The following KNL1 variants were observed in gnomAD, a reference collection of about 807,000 sequenced individuals.
The protein encoded by KNL1 is outer kinetochore KNL1 complex subunit KNL1.
A neutral mutation model predicts 201.3 loss-of-function variants in KNL1; 66 were observed. The ratio of observed to expected loss-of-function variants is 0.33; its 90% CI spans 0.27 to 0.40. The LOEUF is 0.40. Ranked by LOEUF, KNL1 falls within the 10% of genes least tolerant of loss-of-function variation. The probability of loss-of-function intolerance (pLI) is 1.00; values close to 1 mark genes in which losing one functional copy is unlikely to be tolerated. For missense variants in KNL1, 2,815 were observed against 2,690.5 expected (o/e 1.05, Z -1.02); for synonymous variants, 895 against 899.2 (o/e 1.00, Z 0.08).
chr15:40,650,382 A>C lies in KNL1; in HGVS notation c.6172+4A>C. ...GAAATGAGAGCTGCAGAAAAAGGTAATTGAATTAGTTAAGGAGATAAATGG... is the reference window on the plus strand; with the variant it reads ...GAAATGAGAGCTGCAGAAAAAGGTACTTGAATTAGTTAAGGAGATAAATGG... On this transcript the variant is annotated splice_donor_region_variant and intron_variant, in intron 18 of 25. Coordinates refer to ENST00000399668, the MANE Select transcript of KNL1 (RefSeq NM_144508.5). The C allele has an allele frequency of 6.2e-7, 1 of 1,609,404 alleles. No individual in the cohort carries two copies. Among genetic ancestry groups the C allele is most frequent in the Non-Finnish European group, 8.5e-7 (1 of 1,175,862 alleles).
At chr15:40,627,269 C>T (rs1892781749) in intron 10 of KNL1, among the ~76,000 whole-genome samples, 1 of 152,192 alleles carries the variant, frequency 6.6e-6, no homozygotes, top group Non-Finnish European at 1.5e-5. Flanking sequence ...AATCCCAGCA[C>T]TTTGGGAGGC....
chr15:40,598,583 C>A (rs1335898585), intron 1 of KNL1, among the ~76,000 whole-genome samples: 1 of 151,408 alleles, frequency 6.6e-6, no homozygotes, highest in South Asian at 2.1e-4. Context: ...CCCCCTCCGG[C>A]CCCCCAAAAA....
intron 14 of KNL1, among the ~76,000 whole-genome samples, chr15:40,643,867 T>C (rs1011368259): frequency 6.6e-6 from 1 of 152,208 alleles, no homozygotes; most frequent in Non-Finnish European, 1.5e-5. Context: ...CCTCTTATTA[T>C]GTAGAAAAAA....
At chr15:40,637,564 C>T (rs1893094145) in intron 13 of KNL1, among the ~76,000 whole-genome samples, 1 of 152,106 alleles carries the variant, frequency 6.6e-6, no homozygotes, top group Admixed American at 6.5e-5. Flanking sequence ...TGACGTGACA[C>T]CACAAATGGA....
In KNL1 at chr15:40,623,354, A is replaced by C; in HGVS notation, c.3090A>C (p.Val1030=). The change falls in exon 10 of 26, where the codon GTA becomes GTC. Residue 1030 remains valine, a synonymous_variant. Coordinates refer to ENST00000399668, the MANE Select transcript of KNL1 (RefSeq NM_144508.5). Reference sequence around the variant, plus strand: ...CTAATAATAGGGGCCCTGTAGAGGTAGCTGATAACATGGAATTGTCTAAAT... The same window carrying C: ...CTAATAATAGGGGCCCTGTAGAGGTCGCTGATAACATGGAATTGTCTAAAT... ...EWSNNRGPVE[V]ADNMELSKSA... The C allele has an allele frequency of 6.2e-7, 1 of 1,614,010 alleles. No individual in the cohort carries two copies. The highest frequency in any genetic ancestry group is 8.5e-7 in the Non-Finnish European group (1 of 1,179,898).
At chr15:40,657,500 C>A in intron 24 of KNL1, 27 bp downstream of exon 24, 2 of 1,177,250 alleles carry the variant, frequency 1.7e-6, no homozygotes, top group Non-Finnish European at 2.6e-6. Context: ...CCAAGGACTG[C>A]CATGACAGAG....
intron 8 of KNL1, among the ~76,000 whole-genome samples, chr15:40,617,450 TTAGTTTAGTTTAC>T (rs1451196043): frequency 1.3e-5 from 2 of 152,150 alleles, no homozygotes; most frequent in African/African-American, 4.8e-5. Context: ...AAGCCACAGT[TTAGTTTAGTTTAC>T]ACTTTTTTCC....
At chr15:40,634,326 C>T (rs917720071) in intron 13 of KNL1, among the ~76,000 whole-genome samples, 14 of 152,144 alleles carry the variant, frequency 9.2e-5, no homozygotes, top group Admixed American at 9.2e-4. Context: ...AGGCTGGTCT[C>T]GAACTCTTGA....
intron 14 of KNL1, among the ~76,000 whole-genome samples, chr15:40,643,464 G>A (rs1018989601): frequency 2.0e-5 from 3 of 152,050 alleles, no homozygotes; most frequent in African/African-American, 4.8e-5. Context: ...GCGCCTGGCC[G>A]GGAACTTTTA....
chr15:40,642,364 A>G (rs1353077370), intron 14 of KNL1, among the ~76,000 whole-genome samples: 1 of 151,560 alleles, frequency 6.6e-6, no homozygotes, highest in Non-Finnish European at 1.5e-5. Flanking sequence ...GCACCACTGC[A>G]CTCCAGCAGC....
At chr15:40,655,023 C>A in intron 22 of KNL1, 46 bp downstream of exon 22, 1 of 1,430,522 alleles carries the variant, frequency 7.0e-7, no homozygotes, top group South Asian at 1.1e-5. Flanking sequence ...TGGGGCTGGG[C>A]ACTATGGCTC....
intron 1 of KNL1, among the ~76,000 whole-genome samples, chr15:40,595,183 T>C (rs1327759795): frequency 6.6e-6 from 1 of 152,240 alleles, no homozygotes; most frequent in East Asian, 1.9e-4. Context: ...ATCCTGTAGA[T>C]ATTTATTGGG....
At chr15:40,610,220 C>T (rs766473801) in intron 5 of KNL1, 25 bp from the exon 6 acceptor site, 1 of 1,312,134 alleles carries the variant, frequency 7.6e-7, no homozygotes, top group South Asian at 1.2e-5. Flanking sequence ...TGCAGGTTTT[C>T]AATAATCTTT....
Position 40,604,916 on chromosome 15 carries a change from C to T in KNL1, c.36-194C>T, listed in dbSNP as rs180710852. Among the ~76,000 whole-genome samples the T allele has an allele frequency of 6.6e-4, 101 of 152,248 alleles. No individual in the cohort carries two copies. In the Middle Eastern group the frequency reaches 0.01, roughly 15 times the overall value. On this transcript the variant is annotated intron_variant, in intron 2 of 25. Transcript: ENST00000399668. ...CTGATAATTATTCAAGAGATAGTCTCGTAGTACACAATATGTATTTTAAAA... is the reference window on the plus strand; with the variant it reads ...CTGATAATTATTCAAGAGATAGTCTTGTAGTACACAATATGTATTTTAAAA...
intron 13 of KNL1, among the ~76,000 whole-genome samples, chr15:40,632,884 ACTCTGT>A (rs1415204413): frequency 6.6e-6 from 1 of 151,894 alleles, no homozygotes; most frequent in Admixed American, 6.6e-5. Flanking sequence ...ACATAGTGAG[ACTCTGT>A]CTCTATTTAA....
In KNL1 at chr15:40,624,509, A is replaced by G; in HGVS notation, c.4245A>G (p.Lys1415=). 6.2e-7 allele frequency: 1 copy of G among 1,613,758 alleles called. No individual in the cohort carries two copies. Residue 1415 remains lysine (K), a synonymous_variant, in exon 10 of 26, where the codon AAA becomes AAG. Transcript: ENST00000399668. The part of the protein sequence containing the change: ...VYSQDLGEMT[K]LNSKRVSFKL... Reference sequence around the variant, plus strand: ...GTCAAGATCTGGGGGAGATGACTAAACTTAATTCAAAGCGAGTATCTTTTA... The same window carrying G: ...GTCAAGATCTGGGGGAGATGACTAAGCTTAATTCAAAGCGAGTATCTTTTA...
intron 4 of KNL1, among the ~76,000 whole-genome samples, chr15:40,608,215 T>A (rs571424327): frequency 1.0e-3 from 154 of 152,154 alleles, no homozygotes; most frequent in Non-Finnish European, 1.8e-3. Context: ...GGCTCATGCC[T>A]GTAATCCTAG....
At chr15:40,627,827 C>G (rs1414929603) in intron 10 of KNL1, among the ~76,000 whole-genome samples, 2 of 152,064 alleles carry the variant, frequency 1.3e-5, no homozygotes, top group African/African-American at 4.8e-5. Context: ...CTGATTATAA[C>G]TTAGATATAT....
At position 40,646,458 on chromosome 15, in the gene KNL1, A is replaced by G. The variant is rs193279053; in HGVS notation, c.6007-529A>G. Among the ~76,000 whole-genome samples the G allele has an allele frequency of 8.7e-4, 133 of 152,094 alleles. 1 individual carries two copies. The highest frequency in any genetic ancestry group is 6.2e-3 in the Admixed American group (95 of 15,284). On this transcript the variant is annotated intron_variant, in intron 16 of 25. Transcript: ENST00000399668. ...TAAAATATTTTATTAAATTTATAAA[A>G]TAAACATTTTATTTTCCAGAGTTCT...
Sources: allele counts gnomAD v4.1 joint callset (sites outside exome capture counted in the v4.1 genomes callset), GRCh38; gene constraint gnomAD v4.1.1; transcripts MANE v1.5; gene names NCBI Gene and HGNC (gene_info 2026-07-23, HGNC 2026-07-21).